The following CCSER1 variants were observed in gnomAD, a reference collection of about 807,000 sequenced individuals.
The protein encoded by CCSER1 is serine-rich coiled-coil domain-containing protein 1.
CCSER1 carries 41 observed loss-of-function variants against 82.0 expected under a neutral mutation model. The observed-to-expected ratio is 0.50, with a 90% CI of 0.39 to 0.65. The LOEUF is 0.65. Ranked by LOEUF, CCSER1 falls within the 30% of genes least tolerant of loss-of-function variation. The pLI, the probability that CCSER1 is intolerant of heterozygous loss-of-function variation, is 0.00. For synonymous variants in CCSER1, 414 were observed against 383.9 expected (o/e 1.08, Z -0.92); for missense variants, 1,119 against 1,064.2 (o/e 1.05, Z -0.72).
At chr4:90,151,015 C>T (rs939891705) in intron 1 of CCSER1, among the ~76,000 whole-genome samples, 1 of 151,936 alleles carries the variant, frequency 6.6e-6, no homozygotes, top group African/African-American at 2.4e-5. Context: ...ATAAAAGGTT[C>T]CACAACCCTG....
intron 5 of CCSER1, among the ~76,000 whole-genome samples, chr4:90,600,139 G>T (rs1340407228): frequency 3.9e-5 from 6 of 152,136 alleles, no homozygotes; most frequent in African/African-American, 1.4e-4. Context: ...ATTGTTTACA[G>T]TTTGAGGTTA....
intron 1 of CCSER1, among the ~76,000 whole-genome samples, chr4:90,204,756 A>T (rs1051091647): frequency 6.6e-6 from 1 of 152,172 alleles, no homozygotes; most frequent in Non-Finnish European, 1.5e-5. Context: ...TGATGGGGAT[A>T]GCATTGAATC....
chr4:90,347,000 TG>T (rs1277358113), intron 3 of CCSER1, among the ~76,000 whole-genome samples: 1 of 152,126 alleles, frequency 6.6e-6, no homozygotes, highest in Non-Finnish European at 1.5e-5. Context: ...CTATGCCCTA[TG>T]CAGGTGAATT....
chr4:90,312,039 G>C (rs963350247), intron 2 of CCSER1, among the ~76,000 whole-genome samples: 2 of 152,180 alleles, frequency 1.3e-5, no homozygotes, highest in Non-Finnish European at 2.9e-5. Context: ...TTAGGAAGCA[G>C]AAGTGGGATT....
intron 7 of CCSER1, among the ~76,000 whole-genome samples, chr4:90,737,746 A>G (rs999588616): frequency 1.3e-5 from 2 of 151,948 alleles, no homozygotes; most frequent in African/African-American, 2.4e-5. Flanking sequence ...GATTTGCCCC[A>G]TTTAGACTAT....
At chr4:90,203,955 T>C (rs1475551261) in intron 1 of CCSER1, among the ~76,000 whole-genome samples, 1 of 152,206 alleles carries the variant, frequency 6.6e-6, no homozygotes, top group Non-Finnish European at 1.5e-5. Context: ...ATTATGAGCT[T>C]TTTTTCCTAT....
At chr4:90,380,953 C>T (rs1281620928) in intron 3 of CCSER1, among the ~76,000 whole-genome samples, 1 of 152,188 alleles carries the variant, frequency 6.6e-6, no homozygotes, top group East Asian at 1.9e-4. Context: ...GAGAAATAAG[C>T]AGGAAACGAT....
intron 10 of CCSER1, among the ~76,000 whole-genome samples, chr4:91,175,008 T>G (rs1333765480): frequency 6.6e-6 from 1 of 152,102 alleles, no homozygotes; most frequent in African/African-American, 2.4e-5. Flanking sequence ...GTGTGTGATG[T>G]TCCCCATCCT....
intron 10 of CCSER1, among the ~76,000 whole-genome samples, chr4:91,224,084 C>A (rs1581798533): frequency 6.7e-6 from 1 of 149,698 alleles, no homozygotes; most frequent in South Asian, 2.1e-4. Context: ...AGAAATAGTG[C>A]GGTGACTGAG....
intron 10 of CCSER1, among the ~76,000 whole-genome samples, chr4:91,321,542 C>A (rs1343998451): frequency 6.6e-6 from 1 of 152,018 alleles, no homozygotes; most frequent in Admixed American, 6.6e-5. Context: ...TGTAGTTATG[C>A]TATTCGAAGT....
intron 9 of CCSER1, among the ~76,000 whole-genome samples, chr4:90,936,243 A>G (rs1730915718): frequency 6.6e-6 from 1 of 152,088 alleles, no homozygotes; most frequent in Non-Finnish European, 1.5e-5. Context: ...TAATTTGACA[A>G]TATATTGAAT....
At chr4:91,563,000 A>C (rs2110258876) in intron 10 of CCSER1, among the ~76,000 whole-genome samples, 1 of 151,786 alleles carries the variant, frequency 6.6e-6, no homozygotes, top group South Asian at 2.1e-4. Context: ...TCATAATTTT[A>C]AACCTGAGCA....
chr4:90,313,916 A>C (rs1284963680), intron 3 of CCSER1, among the ~76,000 whole-genome samples: 3 of 152,132 alleles, frequency 2.0e-5, no homozygotes, highest in Non-Finnish European at 2.9e-5. Context: ...CTACCTACCT[A>C]TCCATGCATA....
chr4:90,391,108 C>CAAAAAA lies in CCSER1; in HGVS notation c.1510-8916_1510-8911dup, dbSNP rs1326557051. Among the ~76,000 whole-genome samples the CAAAAAA allele has an allele frequency of 1.2e-4, 6 of 51,890 alleles. 1 individual carries two copies. The highest frequency in any genetic ancestry group is 3.7e-4 in the African/African-American group (6 of 16,282). 34.0% of individuals were successfully genotyped at this position (51,890 alleles called of 152,430 possible). Reference sequence around the variant, plus strand: ...ATGAAACTCCCCTCTACTAAAAATACAAAAAAAAAAAAAAAAAGGCTGAGC... The same window carrying CAAAAAA: ...ATGAAACTCCCCTCTACTAAAAATACAAAAAAAAAAAAAAAAAAAAAAAGGCTGAGC... On this transcript the variant is annotated intron_variant, in intron 3 of 10. Coordinates refer to ENST00000509176, the MANE Select transcript of CCSER1 (RefSeq NM_001145065.2).
chr4:90,760,872 G>T (rs944897842), intron 7 of CCSER1, among the ~76,000 whole-genome samples: 1 of 152,144 alleles, frequency 6.6e-6, no homozygotes, highest in Admixed American at 6.6e-5. Flanking sequence ...TATACAGGGA[G>T]CAAACAAATA....
intron 3 of CCSER1, among the ~76,000 whole-genome samples, chr4:90,337,621 CT>C (rs70963064): frequency 0.68 from 101,549 of 149,628 alleles, 35,378 homozygotes; most frequent in African/African-American, 0.85. Flanking sequence ...TGTTTTTAAT[CT>C]TTTTTTTTTT....
chr4:90,538,331 TTTTAA>T (rs1211831495), intron 5 of CCSER1, among the ~76,000 whole-genome samples: 1 of 152,150 alleles, frequency 6.6e-6, no homozygotes, highest in Non-Finnish European at 1.5e-5. Context: ...AGAATTTAAC[TTTTAA>T]TTTAATTTAC....
chr4:90,586,157 C>G (rs764523377), intron 5 of CCSER1, among the ~76,000 whole-genome samples: 2 of 152,064 alleles, frequency 1.3e-5, no homozygotes, highest in Non-Finnish European at 2.9e-5. Context: ...GTCAGATTAG[C>G]GCTGGCATTA....
At chr4:90,158,588 T>A (rs72876110) in intron 1 of CCSER1, among the ~76,000 whole-genome samples, 42,939 of 151,974 alleles carry the variant, frequency 0.28, 7,675 homozygotes, top group East Asian at 0.64. Flanking sequence ...AATGGCGGGC[T>A]CCCCTCCCCA....
Sources: allele counts gnomAD v4.1 joint callset (sites outside exome capture counted in the v4.1 genomes callset), GRCh38; gene constraint gnomAD v4.1.1; transcripts MANE v1.5; gene names NCBI Gene and HGNC (gene_info 2026-07-23, HGNC 2026-07-21).